Variants in DEPTOR observed in about 807,000 individuals in gnomAD.
DEPTOR encodes the protein DEP domain-containing mTOR-interacting protein.
DEPTOR carries 41 observed loss-of-function variants against 41.6 expected under a neutral mutation model. That is an observed-to-expected ratio of 0.98 (90% CI 0.77 to 1.28). DEPTOR has a LOEUF of 1.28. Among genes scored for constraint, DEPTOR ranks in the 50% most tolerant of loss-of-function variants. The pLI is 0.00. For synonymous variants in DEPTOR, 195 were observed against 192.3 expected, an observed-to-expected ratio of 1.01 and a Z score of -0.12; for missense variants, 514 against 527.9, an observed-to-expected ratio of 0.97 and a Z score of 0.26.
At chr8:120,044,172 A>AT (rs1264680511) in intron 8 of DEPTOR, among the ~76,000 whole-genome samples, 6 of 150,736 alleles carry the variant, frequency 4.0e-5, no homozygotes, top group South Asian at 2.1e-4. Flanking sequence ...TTATTTATTT[A>AT]TTTTTTTGAG....
intron 1 of DEPTOR, among the ~76,000 whole-genome samples, chr8:119,911,491 T>C (rs938648437): frequency 3.9e-5 from 6 of 152,002 alleles, no homozygotes; most frequent in Non-Finnish European, 5.9e-5. Flanking sequence ...GCTAATTTTG[T>C]ATTTTTAGTA....
At chr8:119,936,923 C>T (rs1427029320) in intron 3 of DEPTOR, among the ~76,000 whole-genome samples, 1 of 152,040 alleles carries the variant, frequency 6.6e-6, no homozygotes. Flanking sequence ...ACTTGGGAGG[C>T]TGGGGTGGGA....
intron 6 of DEPTOR, among the ~76,000 whole-genome samples, chr8:120,005,573 C>T (rs953335554): frequency 1.3e-5 from 2 of 152,184 alleles, no homozygotes; most frequent in African/African-American, 4.8e-5. Context: ...CAAAGGGGAT[C>T]GGAGGATGCC....
intron 8 of DEPTOR, among the ~76,000 whole-genome samples, chr8:120,028,945 C>T (rs145248123): frequency 6.6e-5 from 10 of 151,858 alleles, no homozygotes; most frequent in African/African-American, 2.4e-4. Flanking sequence ...ACTAGCCAGA[C>T]GTGATGGCAT....
At chr8:119,997,292 T>C (rs1252599316) in intron 4 of DEPTOR, among the ~76,000 whole-genome samples, 2 of 152,056 alleles carry the variant, frequency 1.3e-5, no homozygotes. Flanking sequence ...TGGAATGTAA[T>C]GGTGTGATCA....
intron 4 of DEPTOR, among the ~76,000 whole-genome samples, chr8:119,995,658 A>T (rs1368706106): frequency 1.3e-5 from 2 of 152,152 alleles, no homozygotes; most frequent in Admixed American, 1.3e-4. Flanking sequence ...ATTGTCAATA[A>T]AGTTCCAACT....
chr8:119,998,209 C>T (rs1252437545), intron 4 of DEPTOR, among the ~76,000 whole-genome samples: 1 of 152,196 alleles, frequency 6.6e-6, no homozygotes, highest in South Asian at 2.1e-4. Flanking sequence ...CCAGCTCAGC[C>T]TCCTGAGTAG....
At chr8:119,958,317 A>T (rs2129947588) in intron 3 of DEPTOR, among the ~76,000 whole-genome samples, 1 of 152,126 alleles carries the variant, frequency 6.6e-6, no homozygotes, top group East Asian at 1.9e-4. Flanking sequence ...CTTCCCCTCT[A>T]ATAAGCTAGA....
intron 8 of DEPTOR, among the ~76,000 whole-genome samples, chr8:120,025,284 G>A (rs926256636): frequency 6.6e-6 from 1 of 152,158 alleles, no homozygotes; most frequent in Non-Finnish European, 1.5e-5. Flanking sequence ...AGAATTTTGT[G>A]ATGAAGACTG....
At chr8:119,926,300 A>T (rs1233343420) in intron 1 of DEPTOR, among the ~76,000 whole-genome samples, 2 of 152,150 alleles carry the variant, frequency 1.3e-5, no homozygotes, top group African/African-American at 4.8e-5. Flanking sequence ...TGCTCTAAAA[A>T]AATCACACAA....
Position 119,893,900 on chromosome 8 carries a change from G to A in DEPTOR, c.122+19932G>A, listed in dbSNP as rs114692096. Among the ~76,000 whole-genome samples, 496 of 152,272 alleles carry A rather than the reference G, an allele frequency of 3.3e-3. 1 individual carries two copies. The highest frequency in any genetic ancestry group is 0.011 in the African/African-American group (473 of 41,554). ...CCTCTGCCAGAGAAAACTTCTAGTGGCCAGAACTCTATCTCATCTTCGTGA... is the reference window on the plus strand; with the variant it reads ...CCTCTGCCAGAGAAAACTTCTAGTGACCAGAACTCTATCTCATCTTCGTGA... On this transcript the variant is annotated intron_variant, in intron 1 of 8. Coordinates refer to ENST00000286234, the MANE Select transcript of DEPTOR (RefSeq NM_022783.4).
At chr8:120,045,898 CCTG>C (rs1364840963) in intron 8 of DEPTOR, among the ~76,000 whole-genome samples, 1 of 152,122 alleles carries the variant, frequency 6.6e-6, no homozygotes, top group African/African-American at 2.4e-5. Flanking sequence ...GCCAGACAGC[CCTG>C]CTGACTGCCC....
chr8:119,944,194 G>A (rs1828239963), intron 3 of DEPTOR, among the ~76,000 whole-genome samples: 1 of 152,144 alleles, frequency 6.6e-6, no homozygotes, highest in Non-Finnish European at 1.5e-5. Flanking sequence ...CTGGCTGGGA[G>A]CCTGTGAAAT....
At chr8:120,025,322 T>G (rs1812781653) in intron 8 of DEPTOR, among the ~76,000 whole-genome samples, 1 of 152,240 alleles carries the variant, frequency 6.6e-6, no homozygotes, top group Non-Finnish European at 1.5e-5. Flanking sequence ...TCTGTCATTT[T>G]GCCTTTAGCT....
intron 3 of DEPTOR, among the ~76,000 whole-genome samples, chr8:119,955,072 G>T (rs1279483438): frequency 6.6e-6 from 1 of 152,088 alleles, no homozygotes; most frequent in Non-Finnish European, 1.5e-5. Flanking sequence ...TGGCCAGGAT[G>T]GTCTTGAACT....
intron 1 of DEPTOR, among the ~76,000 whole-genome samples, chr8:119,876,225 C>T (rs1372063471): frequency 6.6e-6 from 1 of 152,160 alleles, no homozygotes; most frequent in Non-Finnish European, 1.5e-5. Flanking sequence ...GAGAGCCATC[C>T]TTGTCATGCA....
chr8:120,046,039 A>C (rs954237896), intron 8 of DEPTOR, among the ~76,000 whole-genome samples: 1 of 152,130 alleles, frequency 6.6e-6, no homozygotes, highest in African/African-American at 2.4e-5. Context: ...CAAGAGGTGC[A>C]CAGGACCCCA....
At position 119,967,439 on chromosome 8, in the gene DEPTOR, C is replaced by A. The variant is rs1342946999; in HGVS notation, c.604+2029C>A. On this transcript the variant is annotated intron_variant, in intron 4 of 8. Transcript: ENST00000286234. ...CGTAGGTCAGATAATTTCTTTATGGCCTGTTTTTACACAGAAAGGCAGAGG... is the reference window on the plus strand; with the variant it reads ...CGTAGGTCAGATAATTTCTTTATGGACTGTTTTTACACAGAAAGGCAGAGG... Among the ~76,000 whole-genome samples the A allele has an allele frequency of 2.0e-5, 3 of 151,768 alleles. No homozygotes were observed. The East Asian group carries it at 5.8e-4, about 29-fold the overall frequency.
At chr8:119,971,014 A>G (rs1265586528) in intron 4 of DEPTOR, among the ~76,000 whole-genome samples, 1 of 152,158 alleles carries the variant, frequency 6.6e-6, no homozygotes, top group Non-Finnish European at 1.5e-5. Flanking sequence ...GCGGATCACA[A>G]GGTCGGGAGA....
Sources: gnomAD v4.1 joint callset for allele counts (sites outside exome capture counted in the v4.1 genomes callset) on GRCh38, gnomAD v4.1.1 for gene constraint, MANE v1.5 for transcripts, NCBI Gene and HGNC (gene_info 2026-07-23, HGNC 2026-07-21) for gene names.